Variants in ELP2 observed in about 807,000 individuals in gnomAD.
The protein encoded by ELP2 is elongator complex protein 2.
Under a neutral mutation model 119.2 loss-of-function variants are expected in ELP2, and 90 were observed. That is an observed-to-expected ratio of 0.75 (90% CI 0.64 to 0.90). The LOEUF is 0.90. Ranked by LOEUF, ELP2 falls within the 40% of genes least tolerant of loss-of-function variation. The pLI is 0.00. For synonymous variants in ELP2, 339 were observed against 331.0 expected, an observed-to-expected ratio of 1.02 and a Z score of -0.26; for missense variants, 921 against 967.8, an observed-to-expected ratio of 0.95 and a Z score of 0.64.
At chr18:36,141,516 T>C (rs2090028612) in intron 6 of ELP2, 2 of 336,518 alleles carry the variant, frequency 5.9e-6, no homozygotes, top group Non-Finnish European at 1.1e-5. Context: ...CAGTGAAGCA[T>C]TCCTAGTAGT....
At chr18:36,138,594 G>T in intron 4 of ELP2, 168 bp downstream of exon 4, 2 of 921,406 alleles carry the variant, frequency 2.2e-6, no homozygotes, top group South Asian at 3.2e-5. Flanking sequence ...TCTATACCAA[G>T]ACTTTTTCAT....
chr18:36,163,298 G>GTGTGTA (rs1295150196), intron 17 of ELP2, among the ~76,000 whole-genome samples: 1 of 151,590 alleles, frequency 6.6e-6, no homozygotes, highest in African/African-American at 2.4e-5. Flanking sequence ...GTGTGTGTGT[G>GTGTGTA]TATACACCAC....
intron 17 of ELP2, among the ~76,000 whole-genome samples, chr18:36,161,890 G>A (rs2144757814): frequency 1.3e-5 from 2 of 152,028 alleles, no homozygotes; most frequent in East Asian, 3.9e-4. Flanking sequence ...GAGCCTTTGG[G>A]AAAAATGGAA....
rs1305648813 is a variant in ELP2, at chr18:36,160,965, T to A, written c.1722T>A (p.Thr574=). The A allele has an allele frequency of 6.2e-7, 1 of 1,613,750 alleles. No individual in the cohort carries two copies. Among genetic ancestry groups the A allele is most frequent in the Non-Finnish European group, 8.5e-7 (1 of 1,179,696 alleles). The part of the protein sequence containing the change: ...YGHGYEIFCV[T]CNSSKTLLAS... ...ACGGTTATGAAATATTTTGTGTTAC[T>A]TGTAACAGTTCAAAGACTCTGCTTG... is the stretch of plus-strand genomic sequence containing the variant. Residue 574 remains threonine, a synonymous_variant, in exon 17 of 22, where the codon ACT becomes ACA. Coordinates refer to ENST00000358232, the MANE Select transcript of ELP2 (RefSeq NM_018255.4).
At chr18:36,154,623 A>G (rs2090504424) in intron 11 of ELP2, among the ~76,000 whole-genome samples, 1 of 152,208 alleles carries the variant, frequency 6.6e-6, no homozygotes, top group African/African-American at 2.4e-5. Flanking sequence ...GAATGGAGGG[A>G]AATTTCCCAC....
At chr18:36,139,785 T>C in intron 5 of ELP2, 1 of 419,624 alleles carries the variant, frequency 2.4e-6, no homozygotes, top group Non-Finnish European at 4.1e-6. Context: ...TAATGATTTT[T>C]TATCTTATTA....
chr18:36,152,104 G>C (rs1241316925), intron 11 of ELP2, among the ~76,000 whole-genome samples: 1 of 151,142 alleles, frequency 6.6e-6, no homozygotes, highest in Admixed American at 6.6e-5. Flanking sequence ...GAGGTGGGAA[G>C]ATCACTTGGG....
At chr18:36,169,408 CGGAG>C (rs2091009441) in intron 19 of ELP2, among the ~76,000 whole-genome samples, 1 of 138,242 alleles carries the variant, frequency 7.2e-6, no homozygotes, top group Non-Finnish European at 1.6e-5. Flanking sequence ...TTTTTTGAGA[CGGAG>C]TTTCACTCTT....
In ELP2 at chr18:36,176,490, AG is replaced by A. The variant is rs2091225580; in HGVS notation, c.*1850del. 1 of 151,864 alleles carries A rather than the reference AG, an allele frequency of 6.6e-6. No individual in the cohort carries two copies. The highest frequency in any genetic ancestry group is 2.1e-4 in the South Asian group (1 of 4,796). The allele number at this position is 151,864 out of a possible 1,614,324, so 9.4% of individuals were successfully genotyped here. ...AGTCCTTTAGCTTTCCTCCCAGCAC[AG>A]AACTCCCAAGGTTATCTGCAAGTAG... On this transcript the variant is annotated 3_prime_UTR_variant, in exon 22 of 22. Transcript: ENST00000358232.
rs748168364 is a variant in ELP2, at chr18:36,170,141, G to T, written c.2155G>T (p.Val719Leu). The T allele has an allele frequency of 1.6e-5, 26 of 1,614,088 alleles. No individual in the cohort carries two copies. The highest frequency in any genetic ancestry group is 2.1e-5 in the Non-Finnish European group (25 of 1,179,996). The change falls in exon 20 of 22, where the codon GTG becomes TTG. Residue 719 changes from valine (V) to leucine (L), a missense_variant. By Grantham distance (32) the Val-to-Leu change is conservative. Transcript: ENST00000358232. ...TGGCCCCTGCTCCTCAGTCCTGGAC[G>T]TGGGTGGGGCTGTGACAGCTGTCAG... ...NIGPCSSVLD[V>L]GGAVTAVSVC... is the part of the protein sequence containing the mutation.
Position 36,174,632 on chromosome 18 carries a change from T to C in ELP2, c.2472T>C (p.Cys824=), listed in dbSNP as rs2091180065. The C allele has an allele frequency of 1.2e-6, 2 of 1,614,094 alleles. No individual in the cohort carries two copies. Among genetic ancestry groups the C allele is most frequent in the Non-Finnish European group, 1.7e-6 (2 of 1,179,964 alleles). The part of the protein sequence containing the change: ...HTVKIHRVNK[C]AL ...TGAAGATACACAGAGTCAATAAATG[T>C]GCACTGTAATGGACTTAATAACTAC... Residue 824 remains cysteine, a synonymous_variant, in exon 22 of 22, where the codon TGT becomes TGC. Transcript: ENST00000358232.
chr18:36,133,731 TATTTA>T (rs2089718146), intron 2 of ELP2, among the ~76,000 whole-genome samples: 1 of 49,276 alleles, frequency 2.0e-5, no homozygotes, highest in African/African-American at 5.3e-5. Context: ...TTTATTTATT[TATTTA>T]TTTTTTTTTT....
At chr18:36,135,520 T>C (rs2089793057) in intron 2 of ELP2, among the ~76,000 whole-genome samples, 2 of 152,216 alleles carry the variant, frequency 1.3e-5, no homozygotes, top group African/African-American at 4.8e-5. Flanking sequence ...TTAGTCCAGC[T>C]GCTTCCCTGA....
intron 2 of ELP2, 27 bp downstream of exon 2, chr18:36,133,343 G>T (rs1309765983): frequency 6.6e-6 from 10 of 1,525,708 alleles, no homozygotes; most frequent in South Asian, 1.1e-5. Context: ...TTTTAAAGTT[G>T]ATCTCAATTG....
intron 8 of ELP2, among the ~76,000 whole-genome samples, chr18:36,144,654 A>C (rs376123433): frequency 4.5e-4 from 69 of 152,346 alleles, no homozygotes; most frequent in African/African-American, 1.6e-3. Flanking sequence ...TGGTTTAACA[A>C]AAGTAGCTGT....
At chr18:36,138,571 T>A in intron 4 of ELP2, 145 bp downstream of exon 4, 1 of 1,027,244 alleles carries the variant, frequency 9.7e-7, no homozygotes, top group Non-Finnish European at 1.4e-6. Context: ...TCTTTTGCAC[T>A]TATTTAAAAT....
At chr18:36,145,264 A>T in intron 9 of ELP2, 1 of 497,640 alleles carries the variant, frequency 2.0e-6, no homozygotes, top group Admixed American at 3.3e-5. Flanking sequence ...TGCTGAAACT[A>T]CCACACCCCC....
At chr18:36,145,872 G>T in intron 9 of ELP2, 76 bp from the exon 10 acceptor site, 2 of 1,238,698 alleles carry the variant, frequency 1.6e-6, no homozygotes, top group South Asian at 2.4e-5. Context: ...TACCCATGTT[G>T]TTTGTTGTTT....
chr18:36,165,833 G>C (rs537924518), intron 18 of ELP2, among the ~76,000 whole-genome samples: 1 of 152,100 alleles, frequency 6.6e-6, no homozygotes, highest in Non-Finnish European at 1.5e-5. Context: ...AGTGAGCCAA[G>C]ATGATGCCAT....
Sources: gnomAD v4.1 joint callset for allele counts (sites outside exome capture counted in the v4.1 genomes callset) on GRCh38, gnomAD v4.1.1 for gene constraint, MANE v1.5 for transcripts, NCBI Gene and HGNC (gene_info 2026-07-23, HGNC 2026-07-21) for gene names.